REV3L: variants seen among roughly 807,000 people sequenced by gnomAD.
The protein encoded by REV3L is REV3 like, DNA directed polymerase zeta catalytic subunit, also known as DNA polymerase zeta catalytic subunit.
Under a neutral mutation model 299.4 loss-of-function variants are expected in REV3L, and 69 were observed. That is an observed-to-expected ratio of 0.23 (90% CI 0.19 to 0.28). REV3L has a LOEUF of 0.28. REV3L is among the 10% of genes least tolerant of loss of function. The pLI is 1.00. For synonymous variants in REV3L, 1,238 were observed against 1,271.4 expected (o/e 0.97, Z 0.56); for missense variants, 3,128 against 3,693.8 (o/e 0.85, Z 3.97).
intron 4 of REV3L, among the ~76,000 whole-genome samples, chr6:111,395,430 T>G (rs2128260503): frequency 6.6e-6 from 1 of 152,342 alleles, no homozygotes; most frequent in South Asian, 2.1e-4. Flanking sequence ...AACCTTTACT[T>G]CCTTGGTTAA....
chr6:111,480,838 GTTT>G (rs56230820), intron 1 of REV3L, among the ~76,000 whole-genome samples: 1 of 109,040 alleles, frequency 9.2e-6, no homozygotes, highest in African/African-American at 3.2e-5. Flanking sequence ...TTTCGTTTTT[GTTT>G]TTTTTTTTTT....
chr6:111,320,461 C>T (rs576619821), intron 26 of REV3L, among the ~76,000 whole-genome samples: 1 of 152,146 alleles, frequency 6.6e-6, no homozygotes, highest in Middle Eastern at 3.4e-3. Context: ...GAAAAAAAAA[C>T]ACAAATTTAA....
At chr6:111,311,359 T>C in intron 28 of REV3L, 100 bp from the exon 29 acceptor site, 2 of 742,892 alleles carry the variant, frequency 2.7e-6, no homozygotes, top group Non-Finnish European at 4.2e-6. Context: ...GGTAACCTGC[T>C]AACCTACCTA....
At position 111,367,441 on chromosome 6, in the gene REV3L, C is replaced by T; in HGVS notation, c.6347G>A (p.Ser2116Asn). ...DEDDDDNYYI[S>N]YSSPDSPVIP... ...TACTGGAGAATCAGGGGAGCTATAA[C>T]TAATGTAATAGTTATCATCATCATC... The change falls in exon 14 of 32, where the codon AGT (serine) becomes AAT (asparagine). Residue 2116 changes from serine to asparagine, a missense_variant. Transcript: ENST00000368802. 6.2e-7 allele frequency: 1 copy of T among 1,611,390 alleles called. No homozygotes were observed. Among genetic ancestry groups the T allele is most frequent in the Non-Finnish European group, 8.5e-7 (1 of 1,178,984 alleles).
rs17539114 is a variant in REV3L, at chr6:111,482,694, G to A, written c.139+56C>T. On this transcript the variant is annotated intron_variant, in intron 1 of 31. Transcript: ENST00000368802. ...TGTGCGCGTGTGCGCGGCGGGGAGG[G>A]CGGCCCCGGCGCCCCGCCGACTCCC... 7.5e-4 allele frequency: 830 copies of A among 1,113,570 alleles called. 6 individuals are homozygous for A. The African/African-American group carries it at 0.013, about 17-fold the overall frequency. The allele number at this position is 1,113,570 out of a possible 1,614,324, so 69.0% of individuals were successfully genotyped here.
At chr6:111,462,127 G>A (rs762330374) in intron 1 of REV3L, among the ~76,000 whole-genome samples, 40 of 152,196 alleles carry the variant, frequency 2.6e-4, no homozygotes, top group Non-Finnish European at 4.3e-4. Flanking sequence ...TTCTCCATGG[G>A]TCTCTGTTGA....
At chr6:111,438,569 AATGTT>A (rs796402375) in intron 1 of REV3L, among the ~76,000 whole-genome samples, 245 of 152,180 alleles carry the variant, frequency 1.6e-3, no homozygotes, top group African/African-American at 5.5e-3. Flanking sequence ...AAGAACTGTT[AATGTT>A]AAGAAAGTTT....
intron 20 of REV3L, among the ~76,000 whole-genome samples, chr6:111,346,165 C>T (rs941183364): frequency 3.3e-5 from 5 of 152,166 alleles, no homozygotes; most frequent in Non-Finnish European, 7.4e-5. Context: ...ACCCAGGCCC[C>T]TCAACCAGTG....
chr6:111,450,064 A>C (rs1050119277), intron 1 of REV3L, among the ~76,000 whole-genome samples: 2 of 152,250 alleles, frequency 1.3e-5, no homozygotes, highest in African/African-American at 4.8e-5. Flanking sequence ...ATAAATGAAG[A>C]GGAAAAATAT....
At chr6:111,331,568 A>G in intron 24 of REV3L, 108 bp downstream of exon 24, 1 of 626,544 alleles carries the variant, frequency 1.6e-6, no homozygotes, top group Admixed American at 3.1e-5. Context: ...ATATTCAAGC[A>G]AACTCGGTGT....
At chr6:111,409,872 CAA>C (rs1784064700) in intron 3 of REV3L, among the ~76,000 whole-genome samples, 1 of 151,960 alleles carries the variant, frequency 6.6e-6, no homozygotes, top group Non-Finnish European at 1.5e-5. Context: ...TTTGGCAGAC[CAA>C]AGAGTACCAC....
At chr6:111,324,866 C>CTTTT (rs11346378) in intron 25 of REV3L, among the ~76,000 whole-genome samples, 2 of 144,002 alleles carry the variant, frequency 1.4e-5, no homozygotes, top group Non-Finnish European at 3.0e-5. Context: ...GCTCAAAAGT[C>CTTTT]TTTTTTTTTT....
At chr6:111,435,834 T>G (rs1219135688) in intron 1 of REV3L, among the ~76,000 whole-genome samples, 1 of 152,070 alleles carries the variant, frequency 6.6e-6, no homozygotes, top group African/African-American at 2.4e-5. Flanking sequence ...CAAGCTTCTG[T>G]TGAGCAAAGG....
chr6:111,415,144 A>T (rs1444435025), intron 2 of REV3L, among the ~76,000 whole-genome samples: 1 of 152,212 alleles, frequency 6.6e-6, no homozygotes, highest in African/African-American at 2.4e-5. Flanking sequence ...TAACAAACTT[A>T]AGCATGCATA....
chr6:111,345,347 T>C (rs989141849), intron 20 of REV3L, among the ~76,000 whole-genome samples: 2 of 152,190 alleles, frequency 1.3e-5, no homozygotes, highest in Non-Finnish European at 2.9e-5. Flanking sequence ...TAATCAAATA[T>C]ATTAATTAGC....
chr6:111,407,424 A>C (rs569408300), intron 3 of REV3L, among the ~76,000 whole-genome samples: 2 of 152,192 alleles, frequency 1.3e-5, no homozygotes, highest in Non-Finnish European at 2.9e-5. Flanking sequence ...AAACCAACAA[A>C]ATGGCAGAAA....
intron 4 of REV3L, among the ~76,000 whole-genome samples, chr6:111,403,953 G>C (rs1329791053): frequency 1.3e-5 from 2 of 152,160 alleles, no homozygotes; most frequent in Non-Finnish European, 2.9e-5. Flanking sequence ...ACTGCAGATA[G>C]GTGAAACAGC....
intron 25 of REV3L, among the ~76,000 whole-genome samples, chr6:111,323,077 C>T (rs1177418703): frequency 6.6e-6 from 1 of 151,982 alleles, no homozygotes; most frequent in East Asian, 1.9e-4. Flanking sequence ...CAACCTCTGC[C>T]TCCTGGGTTC....
At chr6:111,435,330 C>A (rs889900701) in intron 1 of REV3L, among the ~76,000 whole-genome samples, 2 of 152,080 alleles carry the variant, frequency 1.3e-5, no homozygotes, top group Non-Finnish European at 1.5e-5. Context: ...ATGTATGGAA[C>A]CATAAAAGAC....
Sources: allele counts gnomAD v4.1 joint callset (sites outside exome capture counted in the v4.1 genomes callset), GRCh38; gene constraint gnomAD v4.1.1; transcripts MANE v1.5; gene names NCBI Gene and HGNC (gene_info 2026-07-23, HGNC 2026-07-21).